Variants in RYR3 observed in about 807,000 individuals in gnomAD.
The protein encoded by RYR3 is brain ryanodine receptor-calcium release channel.
Under a neutral mutation model 584.3 loss-of-function variants are expected in RYR3, and 207 were observed. That is an observed-to-expected ratio of 0.35 (90% CI 0.32 to 0.40). The LOEUF (loss-of-function observed/expected upper bound fraction) is 0.40, where lower values mean the gene tolerates loss of function less well. Ranked by LOEUF, RYR3 falls within the 10% of genes least tolerant of loss-of-function variation. The pLI is 1.00. For missense variants in RYR3, 5,616 were observed against 6,089.2 expected (o/e 0.92, Z 2.59); for synonymous variants, 2,416 against 2,248.5 (o/e 1.07, Z -2.11).
intron 20 of RYR3, among the ~76,000 whole-genome samples, chr15:33,625,234 G>A (rs999305093): frequency 0.036 from 5 of 140 alleles, no homozygotes; most frequent in Admixed American, 0.083. Context: ...TATGAGGACA[G>A]CAAGGGGGGA....
At chr15:33,349,643 T>A (rs1158802531) in intron 1 of RYR3, among the ~76,000 whole-genome samples, 2 of 151,464 alleles carry the variant, frequency 1.3e-5, no homozygotes, top group African/African-American at 4.9e-5. Flanking sequence ...GTGCACAATG[T>A]GCAGGTTCGT....
intron 2 of RYR3, among the ~76,000 whole-genome samples, chr15:33,501,129 A>T (rs2051947893): frequency 6.6e-6 from 1 of 152,184 alleles, no homozygotes; most frequent in South Asian, 2.1e-4. Context: ...CTCCATGCAC[A>T]CTATTGTCCT....
intron 60 of RYR3, chr15:33,757,861 G>T (rs183630785): frequency 4.3e-6 from 2 of 465,108 alleles, no homozygotes; most frequent in East Asian, 4.0e-5. Flanking sequence ...TAAGATGGCC[G>T]AATAGGAACA....
At chr15:33,391,664 C>A (rs1425927858) in intron 1 of RYR3, among the ~76,000 whole-genome samples, 1 of 151,628 alleles carries the variant, frequency 6.6e-6, no homozygotes, top group African/African-American at 2.4e-5. Context: ...AGGGCTGGAC[C>A]AAATAGGCCG....
chr15:33,632,287 C>G (rs1021940167), intron 23 of RYR3, among the ~76,000 whole-genome samples: 86 of 152,228 alleles, frequency 5.6e-4, no homozygotes, highest in African/African-American at 2.0e-3. Flanking sequence ...CCATGACAAT[C>G]TGCTTTCCTA....
chr15:33,326,809 A>T (rs1595724262), intron 1 of RYR3, among the ~76,000 whole-genome samples: 1 of 152,240 alleles, frequency 6.6e-6, no homozygotes, highest in South Asian at 2.1e-4. Flanking sequence ...ACATAAGTGC[A>T]ATTAAGTCTA....
intron 16 of RYR3, among the ~76,000 whole-genome samples, chr15:33,586,949 G>T: frequency 6.6e-6 from 1 of 152,050 alleles, no homozygotes; most frequent in African/African-American, 2.4e-5. Flanking sequence ...GGGACATGTG[G>T]GACTGCAGCT....
intron 2 of RYR3, among the ~76,000 whole-genome samples, chr15:33,498,679 T>C (rs192710471): frequency 6.6e-6 from 1 of 152,324 alleles, no homozygotes; most frequent in Non-Finnish European, 1.5e-5. Flanking sequence ...ACAAGCTTTT[T>C]TGATATAATC....
At chr15:33,528,423 C>T (rs1425732024) in intron 3 of RYR3, among the ~76,000 whole-genome samples, 6 of 152,172 alleles carry the variant, frequency 3.9e-5, no homozygotes, top group East Asian at 1.9e-4. Context: ...GTCAACAGTC[C>T]TACCAGAATG....
Position 33,552,789 on chromosome 15 carries a change from T to C in RYR3, c.972+2473T>C, listed in dbSNP as rs560037000. 2.0e-5 allele frequency among the ~76,000 whole-genome samples: 3 copies of C among 152,240 alleles called. No individual in the cohort carries two copies. The South Asian group carries it at 6.2e-4, about 32-fold the overall frequency. Reference sequence around the variant, plus strand: ...AACTGTCATACACCATCCAAATAACTGTGGGGGAAGGGCGGTAGAAAGGCC... The same window carrying C: ...AACTGTCATACACCATCCAAATAACCGTGGGGGAAGGGCGGTAGAAAGGCC... On this transcript the variant is annotated intron_variant, in intron 10 of 103. Transcript: ENST00000634891.
In RYR3 at chr15:33,773,592, G is replaced by T; in HGVS notation, c.9114G>T (p.Thr3038=). 1 of 1,607,152 alleles carries T rather than the reference G, an allele frequency of 6.2e-7. No homozygotes were observed. The change falls in exon 64 of 104, where the codon ACG becomes ACT. Residue 3038 remains threonine, a synonymous_variant. Coordinates refer to ENST00000634891, the MANE Select transcript of RYR3 (RefSeq NM_001036.6). The part of the protein sequence containing the change: ...HILCSLYSLG[T]GKNIYVERQR... ...TGTGCAGCCTCTACTCCCTTGGGAC[G>T]GGAAAGAACATTTATGTTGAAAGGT...
rs1239517159 is a variant in RYR3 at position 33,854,900 on chromosome 15, C to G, written c.13995C>G (p.His4665Gln). ...GGACCATTCTGTCATCTGTAACTCA[C>G]AATGGCAAACAGGTATGGTTTCTAC... ...TLRTILSSVTHNGKQLVLTVG... is the reference protein window; with the variant it reads ...TLRTILSSVTQNGKQLVLTVG... Residue 4665 changes from histidine (H) to glutamine (Q), a missense_variant, in exon 98 of 104, where the codon CAC (histidine) becomes CAG (glutamine). Physicochemically the swap from His to Gln is conservative, Grantham distance 24. Coordinates refer to ENST00000634891, the MANE Select transcript of RYR3 (RefSeq NM_001036.6). The G allele has an allele frequency of 3.1e-6, 5 of 1,610,182 alleles. No homozygotes were observed. Among genetic ancestry groups the G allele is most frequent in the Non-Finnish European group, 4.2e-6 (5 of 1,178,590 alleles).
At chr15:33,810,054 G>C (rs1437346646) in intron 70 of RYR3, among the ~76,000 whole-genome samples, 1 of 152,176 alleles carries the variant, frequency 6.6e-6, no homozygotes, top group East Asian at 1.9e-4. Context: ...ACCAGCTTCA[G>C]CTTTGAAAAC....
At chr15:33,556,074 C>T (rs1237676688) in intron 10 of RYR3, among the ~76,000 whole-genome samples, 1 of 152,166 alleles carries the variant, frequency 6.6e-6, no homozygotes, top group Non-Finnish European at 1.5e-5. Flanking sequence ...CTTGAAGGCT[C>T]ACCCCAGCAT....
At chr15:33,824,967 C>G (rs1036663901) in intron 81 of RYR3, among the ~76,000 whole-genome samples, 2 of 152,102 alleles carry the variant, frequency 1.3e-5, no homozygotes, top group Non-Finnish European at 2.9e-5. Context: ...GTGGCTGTGA[C>G]TAGGAAGGTT....
intron 67 of RYR3, among the ~76,000 whole-genome samples, chr15:33,791,141 A>G (rs1267238626): frequency 1.3e-5 from 2 of 152,226 alleles, no homozygotes; most frequent in African/African-American, 4.8e-5. Flanking sequence ...GAACAGAGAA[A>G]TGGGACGCTA....
At chr15:33,343,674 A>G (rs1972097964) in intron 1 of RYR3, among the ~76,000 whole-genome samples, 1 of 152,196 alleles carries the variant, frequency 6.6e-6, no homozygotes, top group African/African-American at 2.4e-5. Context: ...TTGTCTACAC[A>G]TCTTGATCTT....
intron 1 of RYR3, among the ~76,000 whole-genome samples, chr15:33,314,828 G>A (rs1595684295): frequency 6.6e-6 from 1 of 152,136 alleles, no homozygotes; most frequent in Admixed American, 6.5e-5. Flanking sequence ...GCGGGAGAAC[G>A]GCGTGAGCCC....
At chr15:33,351,710 C>T (rs1339783760) in intron 1 of RYR3, among the ~76,000 whole-genome samples, 1 of 150,296 alleles carries the variant, frequency 6.7e-6, no homozygotes. Context: ...AATTCAACAA[C>T]CCTTCATGCT....
Sources: allele counts gnomAD v4.1 joint callset (sites outside exome capture counted in the v4.1 genomes callset), GRCh38; gene constraint gnomAD v4.1.1; transcripts MANE v1.5; gene names NCBI Gene and HGNC (gene_info 2026-07-23, HGNC 2026-07-21).